The following TBC1D21 variants were observed in gnomAD, a reference collection of about 807,000 sequenced individuals.
TBC1D21 encodes the protein male germ cell Rab GTPase-activating protein.
TBC1D21 carries 38 observed loss-of-function variants against 46.0 expected under a neutral mutation model. The observed-to-expected ratio is 0.83, with a 90% CI of 0.64 to 1.08. The LOEUF (loss-of-function observed/expected upper bound fraction) is 1.08. Ranked by LOEUF, TBC1D21 falls within the 50% of genes least tolerant of loss-of-function variation. The pLI, the probability that TBC1D21 is intolerant of heterozygous loss-of-function variation, is 0.00. For synonymous variants in TBC1D21, 151 were observed against 157.2 expected (o/e 0.96, Z 0.29); for missense variants, 415 against 417.9 (o/e 0.99, Z 0.06).
chr15:73,907,372 A>G, the TBC1D21 span, among the ~76,000 whole-genome samples: 2 of 152,196 alleles, frequency 1.3e-5, no homozygotes, highest in Non-Finnish European at 2.9e-5. Flanking sequence ...ATGGAAGGAA[A>G]ACACAAATTT....
At chr15:73,894,337 C>T in the TBC1D21 span, among the ~76,000 whole-genome samples, 3 of 152,350 alleles carry the variant, frequency 2.0e-5, no homozygotes, top group East Asian at 3.9e-4. Context: ...GAAGCCCCAC[C>T]GATGGGCCGA....
intron 1 of TBC1D21, among the ~76,000 whole-genome samples, chr15:73,877,560 A>C (rs2068089952): frequency 2.3e-5 from 3 of 129,926 alleles, no homozygotes; most frequent in Non-Finnish European, 3.3e-5. Context: ...AGAAATCCCT[A>C]CTCATTTTAT....
intron 1 of TBC1D21, among the ~76,000 whole-genome samples, chr15:73,880,317 C>CACACACAT (rs2068131416): frequency 1.3e-5 from 2 of 151,830 alleles, no homozygotes; most frequent in African/African-American, 4.8e-5. Context: ...CACACACACA[C>CACACACAT]ACACACACAC....
At chr15:73,876,633 C>T (rs74867169) in intron 1 of TBC1D21, among the ~76,000 whole-genome samples, 9,920 of 152,112 alleles carry the variant, frequency 0.065, 789 homozygotes, top group East Asian at 0.2. Flanking sequence ...TGCAAATTCT[C>T]TGAATACTCA....
the TBC1D21 span, among the ~76,000 whole-genome samples, chr15:73,896,198 C>G: frequency 6.6e-6 from 1 of 152,082 alleles, no homozygotes; most frequent in African/African-American, 2.4e-5. Flanking sequence ...GCAGTGGTGA[C>G]AGCGATAGTG....
chr15:73,874,734 A>G (rs967322389), intron 1 of TBC1D21, among the ~76,000 whole-genome samples: 22 of 152,096 alleles, frequency 1.4e-4, no homozygotes, highest in African/African-American at 5.3e-4. Context: ...GAACCAATAA[A>G]CTGGAGACGA....
At chr15:73,877,890 C>CAT (rs1321897195) in intron 1 of TBC1D21, among the ~76,000 whole-genome samples, 2 of 148,628 alleles carry the variant, frequency 1.3e-5, no homozygotes, top group Non-Finnish European at 3.0e-5. Context: ...AAACTCTCAG[C>CAT]ATGCTAGAAC....
chr15:73,897,519 CAGGGT>C, the TBC1D21 span, among the ~76,000 whole-genome samples: 1 of 152,166 alleles, frequency 6.6e-6, no homozygotes. Context: ...GTGCAGCCTC[CAGGGT>C]GAGCCACCTC....
the TBC1D21 span, among the ~76,000 whole-genome samples, chr15:73,903,004 C>T: frequency 1.3e-5 from 2 of 152,194 alleles, no homozygotes; most frequent in Admixed American, 1.3e-4. Context: ...ATAACCAGAC[C>T]CAAGCTCACC....
At chr15:73,876,201 T>G (rs866364716) in intron 1 of TBC1D21, among the ~76,000 whole-genome samples, 3,069 of 8,122 alleles carry the variant, frequency 0.38, 22 homozygotes, top group Non-Finnish European at 0.41. Flanking sequence ...TTTTGTGGGT[T>G]TTTTTTTTTT....
At chr15:73,880,994 A>G (rs1412005667) in intron 1 of TBC1D21, among the ~76,000 whole-genome samples, 2 of 152,366 alleles carry the variant, frequency 1.3e-5, no homozygotes, top group East Asian at 1.9e-4. Flanking sequence ...CCATAGTTGT[A>G]CTATATAGTA....
At chr15:73,900,860 C>T in the TBC1D21 span, among the ~76,000 whole-genome samples, 1 of 152,208 alleles carries the variant, frequency 6.6e-6, no homozygotes. Context: ...CATTGAAGTT[C>T]TTCAAGTATC....
chr15:73,886,205 G>A lies in TBC1D21; in HGVS notation c.676+31G>A, dbSNP rs374781495. Reference sequence around the variant, plus strand: ...TGGTTCCCACCTCCTGCCACCTCACGCACCCCCCAGGCATGGGAAGGGGGC... The same window carrying A: ...TGGTTCCCACCTCCTGCCACCTCACACACCCCCCAGGCATGGGAAGGGGGC... On this transcript the variant is annotated intron_variant, in intron 7 of 10. Coordinates refer to ENST00000300504, the MANE Select transcript of TBC1D21 (RefSeq NM_153356.3). The A allele has an allele frequency of 1.3e-5, 21 of 1,590,658 alleles. No homozygotes were observed. The African/African-American group carries it at 1.5e-4, about 11-fold the overall frequency.
At chr15:73,885,246 G>T (rs779952238) in intron 6 of TBC1D21, 143 bp downstream of exon 6, 2 of 738,886 alleles carry the variant, frequency 2.7e-6, no homozygotes, top group East Asian at 2.6e-5. Context: ...GGAGGGTGAC[G>T]CTAAACCCAG....
chr15:73,880,508 C>T (rs867047574), intron 1 of TBC1D21, among the ~76,000 whole-genome samples: 21 of 152,154 alleles, frequency 1.4e-4, no homozygotes, highest in African/African-American at 4.6e-4. Flanking sequence ...CGGTGACTAA[C>T]GCCTGTAGTC....
the TBC1D21 span, among the ~76,000 whole-genome samples, chr15:73,902,272 G>A: frequency 6.6e-6 from 1 of 152,096 alleles, no homozygotes; most frequent in East Asian, 1.9e-4. Context: ...CCTCCTCATT[G>A]CCTTCCAAGC....
intron 3 of TBC1D21, 149 bp downstream of exon 3, chr15:73,881,896 AGGT>A (rs2068162677): frequency 2.9e-6 from 2 of 686,610 alleles, no homozygotes; most frequent in Non-Finnish European, 5.0e-6. Context: ...AGCACACAGG[AGGT>A]GCGGCCAGTT....
In TBC1D21 at chr15:73,884,854, G is replaced by A. The variant is rs368011936; in HGVS notation, c.441G>A (p.Lys147=). ...TCATCGACAAGAAGAGGCTAGAGAAGATCCTGCTCCTGAGTTACGTCTGCA... is the reference window on the plus strand; with the variant it reads ...TCATCGACAAGAAGAGGCTAGAGAAAATCCTGCTCCTGAGTTACGTCTGCA... ...NVLIDKKRLE[K]ILLLSYVCNT... is the part of the protein sequence containing the mutation. Residue 147 remains lysine, a synonymous_variant, in exon 5 of 11, where the codon AAG becomes AAA. Transcript: ENST00000300504. The A allele has an allele frequency of 2.5e-6, 4 of 1,614,054 alleles. No individual in the cohort carries two copies. The highest frequency in any genetic ancestry group is 3.3e-4 in the Middle Eastern group (2 of 6,082).
chr15:73,885,131 G>A (rs776156269), intron 6 of TBC1D21, 28 bp downstream of exon 6: 16 of 1,591,268 alleles, frequency 1.0e-5, no homozygotes, highest in South Asian at 6.6e-5. Context: ...GCTCAGGGAC[G>A]CCCCTCCCCA....
Sources: gnomAD v4.1 joint callset for allele counts (sites outside exome capture counted in the v4.1 genomes callset) on GRCh38, gnomAD v4.1.1 for gene constraint, MANE v1.5 for transcripts, NCBI Gene and HGNC (gene_info 2026-07-23, HGNC 2026-07-21) for gene names.